RNGTT: variants seen among roughly 807,000 people sequenced by gnomAD.
RNGTT encodes the protein mRNA-capping enzyme.
RNGTT carries 33 observed loss-of-function variants against 79.3 expected under a neutral mutation model. The observed-to-expected ratio is 0.42, with a 90% CI of 0.32 to 0.56. RNGTT has a LOEUF of 0.56. Among genes scored for constraint, RNGTT ranks in the 20% least tolerant of loss-of-function variants. The pLI is 0.17. For missense variants in RNGTT, 497 were observed against 739.1 expected (o/e 0.67, Z 3.80); for synonymous variants, 222 against 235.9 (o/e 0.94, Z 0.54).
At chr6:88,892,757 G>A (rs1004068997) in intron 6 of RNGTT, among the ~76,000 whole-genome samples, 6 of 151,994 alleles carry the variant, frequency 3.9e-5, no homozygotes, top group African/African-American at 1.2e-4. Context: ...AATGTAATTA[G>A]GCAATAAAAA....
intron 6 of RNGTT, among the ~76,000 whole-genome samples, chr6:88,903,734 C>T (rs370341785): frequency 5.3e-5 from 8 of 152,268 alleles, no homozygotes; most frequent in East Asian, 1.9e-4. Flanking sequence ...ATAAATGAGT[C>T]GTGGTATATA....
chr6:88,729,775 CT>C (rs1483560240), intron 13 of RNGTT, among the ~76,000 whole-genome samples: 2 of 152,166 alleles, frequency 1.3e-5, no homozygotes, highest in African/African-American at 4.8e-5. Flanking sequence ...AACACCGCCC[CT>C]GATGGAAGTA....
At chr6:88,928,235 A>C (rs1432363883) in intron 4 of RNGTT, among the ~76,000 whole-genome samples, 3 of 152,188 alleles carry the variant, frequency 2.0e-5, no homozygotes, top group Non-Finnish European at 2.9e-5. Context: ...TCATTAAAAA[A>C]AAATTAAATT....
chr6:88,744,376 C>T lies in RNGTT; in HGVS notation c.1439+25398G>A, dbSNP rs1277589929. Among the ~76,000 whole-genome samples, 3 of 152,112 alleles carry T rather than the reference C, an allele frequency of 2.0e-5. No homozygotes were observed. The East Asian group carries it at 5.8e-4, about 29-fold the overall frequency. On this transcript the variant is annotated intron_variant, in intron 13 of 15. Transcript: ENST00000369485. ...TCCCGGGTTTAAGCGATTCTCCCAC[C>T]TCAGCCTCCAGAGTAGCTAAGACTA...
chr6:88,956,322 A>C (rs1785430544), intron 1 of RNGTT, among the ~76,000 whole-genome samples: 1 of 151,968 alleles, frequency 6.6e-6, no homozygotes, highest in South Asian at 2.1e-4. Context: ...CTCTGAACAG[A>C]CTAATAACAA....
chr6:88,929,920 GTATATACATA>G (rs1405190882), intron 2 of RNGTT, among the ~76,000 whole-genome samples: 2 of 140,976 alleles, frequency 1.4e-5, no homozygotes, highest in African/African-American at 5.9e-5. Flanking sequence ...ATATATACAC[GTATATACATA>G]TGTATACATA....
intron 15 of RNGTT, among the ~76,000 whole-genome samples, chr6:88,613,662 C>T (rs962733270): frequency 6.6e-6 from 1 of 152,096 alleles, no homozygotes; most frequent in African/African-American, 2.4e-5. Flanking sequence ...CTTTTTTCAA[C>T]TCCACTAAAA....
At position 88,890,543 on chromosome 6, in the gene RNGTT, A is replaced by G; in HGVS notation, c.848T>C (p.Leu283Pro). 1 of 1,613,856 alleles carries G rather than the reference A, an allele frequency of 6.2e-7. No homozygotes were observed. Among genetic ancestry groups the G allele is most frequent in the Non-Finnish European group, 8.5e-7 (1 of 1,179,856 alleles). ...PVSMDKQNIK[L>P]LDLKPYKVSW... ...TACTTTGTATGGCTTCAGGTCTAAAAGTTTAATATTTTGCTTGTCCATGGA... is the reference window on the plus strand; with the variant it reads ...TACTTTGTATGGCTTCAGGTCTAAAGGTTTAATATTTTGCTTGTCCATGGA... The change falls in exon 8 of 16, where the codon CTT becomes CCT. Residue 283 changes from leucine to proline, a missense_variant. Coordinates refer to ENST00000369485, the MANE Select transcript of RNGTT (RefSeq NM_003800.5).
intron 8 of RNGTT, among the ~76,000 whole-genome samples, chr6:88,883,276 A>G (rs1474076332): frequency 6.6e-6 from 1 of 152,112 alleles, no homozygotes; most frequent in Non-Finnish European, 1.5e-5. Flanking sequence ...TGCAAAGTTA[A>G]GTTAGAACCC....
chr6:88,771,302 T>C (rs1039373897), intron 12 of RNGTT, among the ~76,000 whole-genome samples: 1 of 68,388 alleles, frequency 1.5e-5, no homozygotes, highest in Admixed American at 1.6e-4. Context: ...TGTATGTATG[T>C]ATGTGTGTGT....
intron 12 of RNGTT, among the ~76,000 whole-genome samples, chr6:88,785,282 C>T (rs1779190952): frequency 6.6e-6 from 1 of 152,076 alleles, no homozygotes; most frequent in Non-Finnish European, 1.5e-5. Flanking sequence ...ACCAATATAT[C>T]ATCATTAGCA....
intron 6 of RNGTT, among the ~76,000 whole-genome samples, chr6:88,897,841 G>C (rs1783304817): frequency 6.6e-6 from 1 of 152,168 alleles, no homozygotes; most frequent in Admixed American, 6.5e-5. Flanking sequence ...GCTAAGCACA[G>C]AGTGCCTACA....
At chr6:88,835,975 AACACACACACACACAC>A (rs72228554) in intron 11 of RNGTT, among the ~76,000 whole-genome samples, 73 of 113,774 alleles carry the variant, frequency 6.4e-4, no homozygotes, top group East Asian at 2.9e-3. Context: ...CTCTATTAAA[AACACACACACACACAC>A]ACACACACAC....
At chr6:88,791,204 C>T (rs1779397479) in intron 12 of RNGTT, among the ~76,000 whole-genome samples, 1 of 149,312 alleles carries the variant, frequency 6.7e-6, no homozygotes, top group South Asian at 2.1e-4. Context: ...GAGTGCAGTG[C>T]CACGATCACA....
chr6:88,727,135 G>GA (rs534290027), intron 13 of RNGTT, among the ~76,000 whole-genome samples: 1 of 151,700 alleles, frequency 6.6e-6, no homozygotes, highest in African/African-American at 2.4e-5. Context: ...TAAAAGTCGT[G>GA]AAAAAAAAGT....
chr6:88,649,907 T>A (rs1437517481), intron 14 of RNGTT, among the ~76,000 whole-genome samples: 1 of 152,140 alleles, frequency 6.6e-6, no homozygotes, highest in East Asian at 1.9e-4. Flanking sequence ...GTGGACCAAG[T>A]AAGGGTATTC....
rs36124969 is a variant in RNGTT at position 88,929,172 on chromosome 6, C to T, written c.270G>A (p.Gln90=). ...EKEGIKYIKL[Q]CKGHGECPTT... ...CTTAATATATAACTTACCCTTTACACTGAAGTTTTATATATTTGATTCCTT... is the reference window on the plus strand; with the variant it reads ...CTTAATATATAACTTACCCTTTACATTGAAGTTTTATATATTTGATTCCTT... Residue 90 remains glutamine (Q), a synonymous_variant, in exon 3 of 16, where the codon CAG becomes CAA. Coordinates refer to ENST00000369485, the MANE Select transcript of RNGTT (RefSeq NM_003800.5). 747 of 1,592,428 alleles carry T rather than the reference C, an allele frequency of 4.7e-4. 3 individuals are homozygous for T. The African/African-American group carries it at 9.1e-3, about 19-fold the overall frequency.
intron 13 of RNGTT, among the ~76,000 whole-genome samples, chr6:88,683,843 C>T (rs954793182): frequency 7.9e-5 from 12 of 151,886 alleles, no homozygotes; most frequent in Admixed American, 2.0e-4. Context: ...AGCAAGACTT[C>T]GTCTCTACAA....
intron 1 of RNGTT, among the ~76,000 whole-genome samples, chr6:88,950,865 T>G (rs941676440): frequency 3.0e-4 from 46 of 151,658 alleles, no homozygotes; most frequent in African/African-American, 9.0e-4. Context: ...TTTTTGGTTT[T>G]TTTTTTTTTT....
Sources: gnomAD v4.1 joint callset for allele counts (sites outside exome capture counted in the v4.1 genomes callset) on GRCh38, gnomAD v4.1.1 for gene constraint, MANE v1.5 for transcripts, NCBI Gene and HGNC (gene_info 2026-07-23, HGNC 2026-07-21) for gene names.